The following TTBK2 variants were observed in gnomAD, a reference collection of about 807,000 sequenced individuals.
TTBK2 encodes the protein tau tubulin kinase 2.
A neutral mutation model predicts 110.8 loss-of-function variants in TTBK2; 28 were observed. The ratio of observed to expected loss-of-function variants is 0.25; its 90% confidence interval spans 0.19 to 0.35. The LOEUF (loss-of-function observed/expected upper bound fraction) is 0.35, where lower values mean the gene tolerates loss of function less well. TTBK2 is among the 10% of genes least tolerant of loss of function. The pLI, the probability that TTBK2 is intolerant of heterozygous loss-of-function variation, is 1.00. For synonymous variants in TTBK2, 532 were observed against 527.3 expected (o/e 1.01, Z -0.12); for missense variants, 1,369 against 1,500.3 (o/e 0.91, Z 1.45).
chr15:42,811,811 A>C (rs774782807), intron 7 of TTBK2, 31 bp from the exon 8 acceptor site: 29 of 1,587,240 alleles, frequency 1.8e-5, no homozygotes, highest in Non-Finnish European at 2.4e-5. Flanking sequence ...CCAGTCACAT[A>C]ACATTATTAC....
At chr15:42,785,416 C>T (rs910936674) in intron 10 of TTBK2, among the ~76,000 whole-genome samples, 1 of 152,078 alleles carries the variant, frequency 6.6e-6, no homozygotes, top group South Asian at 2.1e-4. Flanking sequence ...CCATCGTGCC[C>T]GGCCACTTGC....
At chr15:42,887,217 G>GC (rs1895280709) in intron 1 of TTBK2, among the ~76,000 whole-genome samples, 1 of 151,992 alleles carries the variant, frequency 6.6e-6, no homozygotes, top group African/African-American at 2.4e-5. Flanking sequence ...ATCCCCACCT[G>GC]CCCAGCTCCC....
intron 9 of TTBK2, among the ~76,000 whole-genome samples, chr15:42,805,980 T>C (rs1426798479): frequency 6.6e-6 from 1 of 152,292 alleles, no homozygotes; most frequent in East Asian, 1.9e-4. Context: ...CACTGATTTT[T>C]AGGCCAGGCA....
chr15:42,765,380 G>A lies in TTBK2; in HGVS notation c.1998+9755C>T, dbSNP rs944055630. On this transcript the variant is annotated intron_variant, in intron 13 of 14. Coordinates refer to ENST00000267890, the MANE Select transcript of TTBK2 (RefSeq NM_173500.4). ...AGCTAAAAACCTTGAAAAAAGATTA[G>A]ACGAATGGCTAACTAGAATAAACAG... Among the ~76,000 whole-genome samples the A allele has an allele frequency of 9.2e-5, 14 of 152,302 alleles. No individual in the cohort carries two copies. In the Middle Eastern group the frequency reaches 0.014, roughly 148 times the overall value.
At chr15:42,786,158 G>A (rs1890406234) in intron 10 of TTBK2, among the ~76,000 whole-genome samples, 1 of 151,896 alleles carries the variant, frequency 6.6e-6, no homozygotes, top group Non-Finnish European at 1.5e-5. Context: ...TTACAACCTA[G>A]TAAAGTAGTA....
chr15:42,884,603 T>C (rs1895170918), intron 1 of TTBK2, among the ~76,000 whole-genome samples: 1 of 152,280 alleles, frequency 6.6e-6, no homozygotes, highest in Admixed American at 6.5e-5. Flanking sequence ...AACCCTGTGA[T>C]TAGAGGGCTG....
At chr15:42,913,725 C>T (rs1266554804) in intron 1 of TTBK2, among the ~76,000 whole-genome samples, 2 of 152,130 alleles carry the variant, frequency 1.3e-5, no homozygotes, top group African/African-American at 2.4e-5. Context: ...TTTTCCTCTC[C>T]CTGGCTACCA....
chr15:42,745,478 C>A lies in TTBK2; in HGVS notation c.*317G>T. 3.1e-6 allele frequency: 1 copy of A among 323,654 alleles called. No homozygotes were observed. Among genetic ancestry groups the A allele is most frequent in the Non-Finnish European group, 5.8e-6 (1 of 172,726 alleles). The allele number at this position is 323,654 out of a possible 1,614,324, so 20.0% of individuals were successfully genotyped here. ...AAATTAGGCAACCCCCCTAAAATTC[C>A]ATTCTATCTCCTATCCTCAACTCTT... On this transcript the variant is annotated 3_prime_UTR_variant, in exon 15 of 15. Coordinates refer to ENST00000267890, the MANE Select transcript of TTBK2 (RefSeq NM_173500.4).
chr15:42,801,863 T>G, intron 9 of TTBK2: 2 of 1,013,014 alleles, frequency 2.0e-6, no homozygotes, highest in Non-Finnish European at 3.1e-6. Flanking sequence ...GTACATTTAC[T>G]GATCTCAACC....
At chr15:42,793,379 C>A (rs766809868) in intron 10 of TTBK2, among the ~76,000 whole-genome samples, 1 of 152,198 alleles carries the variant, frequency 6.6e-6, no homozygotes, top group Non-Finnish European at 1.5e-5. Flanking sequence ...TCTAGTGATC[C>A]CATCTTTCAA....
At chr15:42,862,178 G>A (rs750515779) in intron 3 of TTBK2, among the ~76,000 whole-genome samples, 12 of 151,874 alleles carry the variant, frequency 7.9e-5, no homozygotes, top group Admixed American at 1.3e-4. Context: ...GTATCAATCC[G>A]ACTGAAACTA....
intron 1 of TTBK2, among the ~76,000 whole-genome samples, chr15:42,916,214 G>T (rs1003362082): frequency 2.0e-5 from 3 of 152,084 alleles, no homozygotes; most frequent in Non-Finnish European, 4.4e-5. Context: ...GCCTCCAGAT[G>T]ATTTTTCTTA....
At chr15:42,826,785 T>A (rs551868137) in intron 6 of TTBK2, among the ~76,000 whole-genome samples, 2 of 152,324 alleles carry the variant, frequency 1.3e-5, no homozygotes, top group African/African-American at 4.8e-5. Context: ...CTAAACTCTG[T>A]TCAATTTAGT....
Position 42,775,504 on chromosome 15 carries a change from G to C in TTBK2, c.1629C>G (p.Cys543Trp), listed in dbSNP as rs762238899. ...NGFIAVNLSS[C>W]KQEIDSKEWV... ...ATTCTTTGGAATCAATTTCTTGCTTGCAAGAGCTCAGGTTAACAGCTATAA... is the reference window on the plus strand; with the variant it reads ...ATTCTTTGGAATCAATTTCTTGCTTCCAAGAGCTCAGGTTAACAGCTATAA... The change falls in exon 13 of 15, where the codon TGC becomes TGG. Residue 543 changes from cysteine (C) to tryptophan (W), a missense_variant. Coordinates refer to ENST00000267890, the MANE Select transcript of TTBK2 (RefSeq NM_173500.4). 6.2e-6 allele frequency: 10 copies of C among 1,614,068 alleles called. No individual in the cohort carries two copies. The highest frequency in any genetic ancestry group is 2.7e-5 in the African/African-American group (2 of 74,908).
chr15:42,811,092 G>T (rs536605054), intron 8 of TTBK2, among the ~76,000 whole-genome samples: 1 of 152,152 alleles, frequency 6.6e-6, no homozygotes, highest in Non-Finnish European at 1.5e-5. Flanking sequence ...TGAGACTCAA[G>T]TGATCCTCCT....
At position 42,744,410 on chromosome 15, in the gene TTBK2, G is replaced by A. The variant is rs1401076379; in HGVS notation, c.*1385C>T. ...ACAAGGTCAAACAGAAAGCACATAT[G>A]TTTGCTAGAAGGCAAATTTCAACAG... On this transcript the variant is annotated 3_prime_UTR_variant, in exon 15 of 15. Coordinates refer to ENST00000267890, the MANE Select transcript of TTBK2 (RefSeq NM_173500.4). 2 of 152,278 alleles carry A rather than the reference G, an allele frequency of 1.3e-5. No individual in the cohort carries two copies. Among genetic ancestry groups the A allele is most frequent in the Non-Finnish European group, 2.9e-5 (2 of 68,002 alleles). The allele number at this position is 152,278 out of a possible 1,614,324, so 9.4% of individuals were successfully genotyped here. A position where few individuals can be genotyped will look rare whatever the true frequency, so the allele number is the denominator to read the frequency against.
At chr15:42,811,814 A>T in intron 7 of TTBK2, 34 bp from the exon 8 acceptor site, 1 of 1,586,740 alleles carries the variant, frequency 6.3e-7, no homozygotes, top group East Asian at 2.2e-5. Flanking sequence ...GTCACATAAC[A>T]TTATTACTTG....
chr15:42,768,028 C>T (rs1295093009), intron 13 of TTBK2, among the ~76,000 whole-genome samples: 2 of 152,192 alleles, frequency 1.3e-5, no homozygotes, highest in African/African-American at 2.4e-5. Context: ...TTTATCTCAA[C>T]AGATGCAGAA....
At chr15:42,889,913 CTTCACTATTTTG>C (rs1457321032) in intron 1 of TTBK2, among the ~76,000 whole-genome samples, 1 of 152,154 alleles carries the variant, frequency 6.6e-6, no homozygotes, top group Non-Finnish European at 1.5e-5. Context: ...CACTCCAACA[CTTCACTATTTTG>C]TTGTATTTTT....
Sources: allele counts gnomAD v4.1 joint callset (sites outside exome capture counted in the v4.1 genomes callset), GRCh38; gene constraint gnomAD v4.1.1; transcripts MANE v1.5; gene names NCBI Gene and HGNC (gene_info 2026-07-23, HGNC 2026-07-21).